Variants in VDR observed in about 807,000 individuals in gnomAD.
VDR encodes vitamin D3 receptor.
In VDR, 19 loss-of-function variants were observed where a neutral mutation model predicts 39.7. That is an observed-to-expected ratio of 0.48 (90% CI 0.33 to 0.70). The LOEUF (loss-of-function observed/expected upper bound fraction) is 0.70. VDR is among the 30% of genes least tolerant of loss of function. The probability of loss-of-function intolerance (pLI) is 0.02; values close to 1 mark genes in which losing one functional copy is unlikely to be tolerated. For missense variants in VDR, 442 were observed against 570.5 expected (o/e 0.77, Z 2.29); for synonymous variants, 242 against 215.8 (o/e 1.12, Z -1.07).
chr12:47,855,867 A>T (rs1227336430), intron 6 of VDR, 66 bp from the exon 7 acceptor site: 1 of 1,601,336 alleles, frequency 6.2e-7, no homozygotes, highest in Non-Finnish European at 8.5e-7. Context: ...CTCCTGCCAG[A>T]CCCTGCAAAA....
At chr12:47,874,734 T>A (rs528853534) in intron 3 of VDR, among the ~76,000 whole-genome samples, 1 of 152,284 alleles carries the variant, frequency 6.6e-6, no homozygotes, top group South Asian at 2.1e-4. Flanking sequence ...CCATCCACCT[T>A]CATTCTCTTC....
intron 3 of VDR, 66 bp downstream of exon 3, chr12:47,878,902 T>C: frequency 3.7e-6 from 6 of 1,612,638 alleles, no homozygotes; most frequent in Admixed American, 1.7e-5. Flanking sequence ...AAGGGCTCCC[T>C]TCATGGAAAC....
At chr12:47,899,836 C>A (rs371796666) in intron 1 of VDR, 15 of 923,636 alleles carry the variant, frequency 1.6e-5, no homozygotes, top group African/African-American at 5.4e-5. Flanking sequence ...ACTGTACTTA[C>A]CCCAAAGAGA....
chr12:47,849,985 G>A (rs1259761347), intron 7 of VDR, among the ~76,000 whole-genome samples: 1 of 151,992 alleles, frequency 6.6e-6, no homozygotes, highest in Non-Finnish European at 1.5e-5. Context: ...GGAGAAGCTG[G>A]GACTACAGGC....
intron 1 of VDR, among the ~76,000 whole-genome samples, chr12:47,903,601 C>T (rs937360262): frequency 5.9e-5 from 9 of 152,192 alleles, no homozygotes; most frequent in African/African-American, 1.7e-4. Flanking sequence ...CCATTTCTAC[C>T]TCAGCAAATC....
At chr12:47,904,348 C>A (rs1023335330) in intron 1 of VDR, among the ~76,000 whole-genome samples, 1 of 151,504 alleles carries the variant, frequency 6.6e-6, no homozygotes, top group Admixed American at 6.6e-5. Context: ...ACTCCTTGAG[C>A]CCCTTCCTCA....
intron 5 of VDR, 101 bp downstream of exon 5, chr12:47,857,403 C>T: frequency 6.2e-7 from 1 of 1,604,818 alleles, no homozygotes. Context: ...TACCCCAGTT[C>T]TGTTCAGGAT....
At chr12:47,870,822 G>C (rs1024260500) in intron 3 of VDR, among the ~76,000 whole-genome samples, 1 of 152,232 alleles carries the variant, frequency 6.6e-6, no homozygotes, top group Non-Finnish European at 1.5e-5. Flanking sequence ...AGCTATGTGA[G>C]GTGCTGGGAA....
intron 7 of VDR, among the ~76,000 whole-genome samples, chr12:47,851,717 G>A (rs970694872): frequency 6.6e-6 from 1 of 152,242 alleles, no homozygotes; most frequent in Non-Finnish European, 1.5e-5. Context: ...CAGTCACAGA[G>A]AGCGTCCATA....
At chr12:47,890,277 A>G (rs1946342852) in intron 1 of VDR, among the ~76,000 whole-genome samples, 1 of 150,900 alleles carries the variant, frequency 6.6e-6, no homozygotes, top group Non-Finnish European at 1.5e-5. Flanking sequence ...CACATGAGGG[A>G]CTATTTCAAC....
chr12:47,844,806 A>G lies in VDR; in HGVS notation c.1224T>C (p.Pro408=). 1 of 1,614,192 alleles carries G rather than the reference A, an allele frequency of 6.2e-7. No individual in the cohort carries two copies. Among genetic ancestry groups the G allele is most frequent in the Non-Finnish European group, 8.5e-7 (1 of 1,180,018 alleles). ...GGGGCGTTAGCTTCATGCTGCACTC[A>G]GGCTGGAAGGAGAGGCAGCGGTACT... ...SKQYRCLSFQ[P]ECSMKLTPLV... is the part of the protein sequence containing the mutation. The change falls in exon 10 of 10, where the codon CCT becomes CCC. Residue 408 remains proline, a synonymous_variant. Transcript: ENST00000549336.
intron 7 of VDR, among the ~76,000 whole-genome samples, chr12:47,850,972 C>T (rs1945376567): frequency 6.6e-6 from 1 of 151,460 alleles, no homozygotes; most frequent in Non-Finnish European, 1.5e-5. Flanking sequence ...GACACCAAAT[C>T]CCTGGATGCC....
chr12:47,881,646 G>C (rs1946152792), intron 2 of VDR, among the ~76,000 whole-genome samples: 1 of 152,076 alleles, frequency 6.6e-6, no homozygotes, highest in Non-Finnish European at 1.5e-5. Context: ...CTACATCTAT[G>C]TTTTGTATAT....
intron 3 of VDR, among the ~76,000 whole-genome samples, chr12:47,878,566 A>C (rs2137200491): frequency 6.6e-6 from 1 of 152,368 alleles, no homozygotes; most frequent in Non-Finnish European, 1.5e-5. Flanking sequence ...TTGGATGGGA[A>C]GGCAAGCTCT....
chr12:47,868,910 C>T (rs1284382232), intron 3 of VDR, among the ~76,000 whole-genome samples: 2 of 152,192 alleles, frequency 1.3e-5, no homozygotes, highest in Non-Finnish European at 2.9e-5. Context: ...GACAGCACAT[C>T]GTCAGCCTAG....
intron 9 of VDR, 123 bp from the exon 10 acceptor site, chr12:47,845,128 T>C: frequency 1.4e-6 from 2 of 1,452,078 alleles, no homozygotes; most frequent in Non-Finnish European, 1.9e-6. Flanking sequence ...CACCCCTCTA[T>C]GACTGCTGAC....
rs1310810077 is a variant in VDR, at chr12:47,857,568, G to A, written c.398C>T (p.Ala133Val). The A allele has an allele frequency of 1.2e-6, 2 of 1,614,182 alleles. No individual in the cohort carries two copies. Among genetic ancestry groups the A allele is most frequent in the Non-Finnish European group, 1.7e-6 (2 of 1,180,044 alleles). ...CTTATGGTGGGCGTCCAGCAGTATG[G>A]CAATGATGCGCTGCTGCTCCTCAGA... ...KLSEEQQRII[A>V]ILLDAHHKTY... The change falls in exon 5 of 10, where the codon GCC (alanine) becomes GTC (valine). Residue 133 changes from alanine to valine, a missense_variant. Physicochemically the swap from Ala to Val is moderately conservative, Grantham distance 64. Around this residue, in one of 5 missense-constraint regions of VDR, gnomAD observed 46 missense variants for 82.0 expected, o/e 0.56. Transcript: ENST00000549336.
chr12:47,864,432 G>A (rs754914991), intron 4 of VDR, among the ~76,000 whole-genome samples: 15 of 152,306 alleles, frequency 9.8e-5, no homozygotes, highest in East Asian at 1.9e-4. Context: ...TCAGAGGGTC[G>A]TCCTAGAACC....
chr12:47,865,555 G>A (rs1038640886), intron 3 of VDR, among the ~76,000 whole-genome samples: 2 of 152,044 alleles, frequency 1.3e-5, no homozygotes, highest in Non-Finnish European at 2.9e-5. Context: ...GGGATTACAG[G>A]TGCATACCAC....
Sources: gnomAD v4.1 joint callset for allele counts (sites outside exome capture counted in the v4.1 genomes callset) on GRCh38, gnomAD v4.1.1 for gene constraint, gnomAD v4.1.1 regional missense constraint, MANE v1.5 for transcripts, NCBI Gene and HGNC (gene_info 2026-07-23, HGNC 2026-07-21) for gene names.